C11orf54: variants seen among roughly 807,000 people sequenced by gnomAD.
C11orf54 encodes beta-keto L-gulonate decarboxylase.
In C11orf54, 29 loss-of-function variants were observed where a neutral mutation model predicts 35.5. The observed-to-expected ratio is 0.82, with a 90% confidence interval of 0.61 to 1.11. C11orf54 has a LOEUF of 1.11. Among genes scored for constraint, C11orf54 ranks in the 50% most tolerant of loss-of-function variants. C11orf54 has a pLI of 0.00. For missense variants in C11orf54, 373 were observed against 369.2 expected (o/e 1.01, Z -0.08); for synonymous variants, 108 against 121.1 (o/e 0.89, Z 0.71).
chr11:93,761,372 G>A (rs1943460198), intron 8 of C11orf54, 143 bp from the exon 9 acceptor site: 3 of 694,456 alleles, frequency 4.3e-6, no homozygotes, highest in South Asian at 2.3e-5. Flanking sequence ...TGAATACATC[G>A]TTTTGCCCCC....
chr11:93,750,976 TA>T (rs1397671265), intron 3 of C11orf54, among the ~76,000 whole-genome samples: 1 of 152,164 alleles, frequency 6.6e-6, no homozygotes, highest in Non-Finnish European at 1.5e-5. Context: ...CACCACAAGG[TA>T]AGTAGTAGCC....
At chr11:93,757,531 G>C in intron 7 of C11orf54, 66 bp downstream of exon 7, 3 of 1,485,132 alleles carry the variant, frequency 2.0e-6, no homozygotes, top group Non-Finnish European at 2.7e-6. Context: ...TAAGATCTTA[G>C]GATTTTTTTT....
At chr11:93,761,023 G>A (rs1358680848) in intron 8 of C11orf54, among the ~76,000 whole-genome samples, 1 of 152,130 alleles carries the variant, frequency 6.6e-6, no homozygotes, top group African/African-American at 2.4e-5. Flanking sequence ...GCATAATTGT[G>A]TAAAATTACT....
intron 6 of C11orf54, among the ~76,000 whole-genome samples, 182 bp downstream of exon 6, chr11:93,755,568 T>TG (rs1943089756): frequency 6.6e-6 from 1 of 151,836 alleles, no homozygotes; most frequent in African/African-American, 2.4e-5. Flanking sequence ...CTGGTCAACA[T>TG]GGTGAAACCC....
chr11:93,746,097 C>T (rs1048901309), intron 1 of C11orf54: 3 of 152,150 alleles, frequency 2.0e-5, no homozygotes, highest in Middle Eastern at 3.4e-3. Flanking sequence ...AATATAACAT[C>T]CTAAATGTTT....
intron 3 of C11orf54, among the ~76,000 whole-genome samples, chr11:93,750,856 A>C (rs190244813): frequency 2.8e-4 from 42 of 152,354 alleles, no homozygotes; most frequent in African/African-American, 8.9e-4. Flanking sequence ...CAAATTTGCC[A>C]AGTGAGCATC....
intron 6 of C11orf54, 51 bp downstream of exon 6, chr11:93,755,437 A>C (rs1759429894): frequency 6.4e-7 from 1 of 1,564,714 alleles, no homozygotes; most frequent in Admixed American, 1.8e-5. Context: ...TCAGAAAGCT[A>C]AAAATGTGAA....
rs769598663 is a variant in C11orf54, at chr11:93,761,647, A to C, written c.907A>C (p.Ile303Leu). The C allele has an allele frequency of 6.2e-7, 1 of 1,611,956 alleles. No homozygotes were observed. Among genetic ancestry groups the C allele is most frequent in the Admixed American group, 1.7e-5 (1 of 59,568 alleles). Residue 303 changes from isoleucine (I) to leucine (L), a missense_variant, in exon 9 of 9, where the codon ATT (isoleucine) becomes CTT (leucine). Transcript: ENST00000354421. ...YFLPAEFLYR[I>L]DQPKETHSIG... is the part of the protein sequence containing the mutation. Reference sequence around the variant, plus strand: ...CTTACCTGCAGAGTTTCTCTATCGCATTGATCAACCAAAAGAGACGCATTC... The same window carrying C: ...CTTACCTGCAGAGTTTCTCTATCGCCTTGATCAACCAAAAGAGACGCATTC...
chr11:93,745,495 C>T (rs1254335534), intron 1 of C11orf54, among the ~76,000 whole-genome samples: 1 of 152,210 alleles, frequency 6.6e-6, no homozygotes, highest in African/African-American at 2.4e-5. Flanking sequence ...TGATTCAATA[C>T]AGCACATGTT....
chr11:93,755,903 C>T (rs889069887), intron 6 of C11orf54, among the ~76,000 whole-genome samples: 3 of 151,686 alleles, frequency 2.0e-5, no homozygotes, highest in Non-Finnish European at 4.4e-5. Flanking sequence ...CGGTGGCTCA[C>T]GCCTGTATTC....
chr11:93,747,597 CA>C (rs1239932918), intron 2 of C11orf54, 149 bp downstream of exon 2: 15 of 459,708 alleles, frequency 3.3e-5, no homozygotes, highest in African/African-American at 3.0e-4. Flanking sequence ...ATTCATTTTC[CA>C]TTTCAGTATC....
chr11:93,756,330 A>AT (rs71064782), intron 6 of C11orf54, among the ~76,000 whole-genome samples: 25 of 146,364 alleles, frequency 1.7e-4, no homozygotes, highest in Middle Eastern at 3.4e-3. Flanking sequence ...AAAAAAAAAA[A>AT]TTTTTTTTTT....
At chr11:93,748,834 T>A (rs1185581313) in intron 2 of C11orf54, among the ~76,000 whole-genome samples, 4 of 86,022 alleles carry the variant, frequency 4.6e-5, no homozygotes, top group African/African-American at 1.1e-4. Context: ...AGACTCAGTC[T>A]CAAAAAAAAA....
chr11:93,759,594 A>C (rs1031065001), intron 7 of C11orf54, 148 bp from the exon 8 acceptor site: 1 of 319,080 alleles, frequency 3.1e-6, no homozygotes, highest in Non-Finnish European at 5.4e-6. Flanking sequence ...GTGTATACCT[A>C]TATAACAAAA....
intron 2 of C11orf54, among the ~76,000 whole-genome samples, chr11:93,748,701 T>C (rs1281528057): frequency 6.6e-6 from 1 of 150,984 alleles, no homozygotes; most frequent in African/African-American, 2.4e-5. Flanking sequence ...CTGAGTGTGG[T>C]GGTGTGTGCC....
intron 1 of C11orf54, among the ~76,000 whole-genome samples, chr11:93,745,641 CTT>C (rs1272837448): frequency 6.6e-6 from 1 of 152,172 alleles, no homozygotes; most frequent in Non-Finnish European, 1.5e-5. Flanking sequence ...TCTGAGCTCT[CTT>C]TTCCCCACAC....
chr11:93,755,354 A>T lies in C11orf54; in HGVS notation c.475A>T (p.Asn159Tyr), dbSNP rs760777056. Residue 159 changes from asparagine (N) to tyrosine (Y), a missense_variant, in exon 6 of 9, where the codon AAT (asparagine) becomes TAT (tyrosine). Asn to Tyr is a moderately radical substitution (Grantham distance 143). Transcript: ENST00000354421. ...TGATTTTCAGTGTGCATTACTGGCT[A>T]ATCTTTTTGCCAGTGAAGGCCAACC... ...CHDFQCALLA[N>Y]LFASEGQPGK... 1.2e-5 allele frequency: 20 copies of T among 1,614,060 alleles called. No individual in the cohort carries two copies. Among genetic ancestry groups the T allele is most frequent in the Non-Finnish European group, 1.6e-5 (19 of 1,180,038 alleles).
rs745411996 is a variant in C11orf54 at position 93,755,415 on chromosome 11, C to A, written c.507+29C>A. The A allele has an allele frequency of 1.9e-6, 3 of 1,592,508 alleles. No homozygotes were observed. In the South Asian group the frequency reaches 3.4e-5, roughly 18 times the overall value. On this transcript the variant is annotated intron_variant, in intron 6 of 8. Transcript: ENST00000354421. ...ATTGTGTCCATAAAAATACAATATTCCCTAAATGTTCTCAGAAAGCTAAAA... is the reference window on the plus strand; with the variant it reads ...ATTGTGTCCATAAAAATACAATATTACCTAAATGTTCTCAGAAAGCTAAAA...
At chr11:93,742,348 A>G (rs866448924) in intron 1 of C11orf54, among the ~76,000 whole-genome samples, 1 of 150,342 alleles carries the variant, frequency 6.7e-6, no homozygotes, top group African/African-American at 2.5e-5. Flanking sequence ...CAACGGTGCG[A>G]TCTTGGCTCA....
Sources: allele counts gnomAD v4.1 joint callset (sites outside exome capture counted in the v4.1 genomes callset), GRCh38; gene constraint gnomAD v4.1.1; transcripts MANE v1.5; gene names NCBI Gene and HGNC (gene_info 2026-07-23, HGNC 2026-07-21).